The following ZNF98 variants were observed in gnomAD, a reference collection of about 807,000 sequenced individuals.
ZNF98 encodes the protein zinc finger protein 739.
Under a neutral mutation model 12.8 loss-of-function variants are expected in ZNF98, and 8 were observed. That is an observed-to-expected ratio of 0.63 (90% CI 0.37 to 1.13). The LOEUF (loss-of-function observed/expected upper bound fraction) is 1.13, where lower values mean the gene tolerates loss of function less well. ZNF98 is among the 50% of genes most tolerant of loss of function. ZNF98 has a pLI of 0.01. For synonymous variants in ZNF98, 112 were observed against 223.5 expected (o/e 0.50, Z 4.45); for missense variants, 379 against 666.1 (o/e 0.57, Z 4.74).
At chr19:22,402,991 A>G in intron 2 of ZNF98, 107 bp from the exon 3 acceptor site, 1 of 1,102,292 alleles carries the variant, frequency 9.1e-7, no homozygotes, top group Non-Finnish European at 1.2e-6. Context: ...AATTGATTCC[A>G]AAATACTAAT....
At chr19:22,410,351 A>G (rs1310714164) in intron 1 of ZNF98, among the ~76,000 whole-genome samples, 3 of 152,224 alleles carry the variant, frequency 2.0e-5, no homozygotes, top group African/African-American at 7.2e-5. Context: ...GAACCAACCC[A>G]AATGCCCATC....
intron 1 of ZNF98, among the ~76,000 whole-genome samples, chr19:22,414,092 G>A (rs552122451): frequency 7.9e-5 from 12 of 150,970 alleles, no homozygotes; most frequent in South Asian, 2.1e-4. Flanking sequence ...AAAATTAGCC[G>A]GGCGTGGTGG....
At chr19:22,407,290 C>T (rs1213940880) in intron 1 of ZNF98, among the ~76,000 whole-genome samples, 3 of 151,904 alleles carry the variant, frequency 2.0e-5, no homozygotes, top group Admixed American at 2.0e-4. Flanking sequence ...CTCTTGACCT[C>T]AGATGATCCC....
chr19:22,421,575 C>A (rs1245814779), intron 1 of ZNF98, among the ~76,000 whole-genome samples: 1 of 152,164 alleles, frequency 6.6e-6, no homozygotes, highest in South Asian at 2.1e-4. Context: ...GTTCTGATTA[C>A]ACAACCAGGA....
intron 1 of ZNF98, among the ~76,000 whole-genome samples, chr19:22,418,025 G>A (rs8110636): frequency 0.47 from 71,777 of 151,840 alleles, 17,390 homozygotes; most frequent in African/African-American, 0.56. Context: ...GGCCTCTGTG[G>A]TATCTTTTTT....
chr19:22,418,264 C>G (rs1268417718), intron 1 of ZNF98, among the ~76,000 whole-genome samples: 1 of 152,058 alleles, frequency 6.6e-6, no homozygotes, highest in Non-Finnish European at 1.5e-5. Flanking sequence ...TAACCTCCCT[C>G]AAGTTTCATA....
intron 1 of ZNF98, among the ~76,000 whole-genome samples, chr19:22,406,141 G>A (rs1034074322): frequency 1.3e-5 from 2 of 152,080 alleles, no homozygotes; most frequent in Non-Finnish European, 2.9e-5. Flanking sequence ...TCATTAAATG[G>A]GTTCTGTTCC....
In ZNF98 at chr19:22,391,945, T is replaced by C. The variant is rs374497741; in HGVS notation, c.1290A>G (p.Gly430=). Residue 430 remains glycine, a synonymous_variant, in exon 4 of 4, where the codon GGA becomes GGG. Coordinates refer to ENST00000357774, the MANE Select transcript of ZNF98 (RefSeq NM_001098626.2). ...HLTTHKRIHT[G]EKPYKCEECG... is the part of the protein sequence containing the mutation. ...ATTCTTCACATTTGTAGGGCTTCTC[T>C]CCAGTATGAATTCTCTTATGTGTAG... is the stretch of plus-strand genomic sequence containing the variant. 1.4e-5 allele frequency: 22 copies of C among 1,548,484 alleles called. No homozygotes were observed. Among genetic ancestry groups the C allele is most frequent in the Non-Finnish European group, 1.7e-5 (20 of 1,144,596 alleles).
chr19:22,415,297 C>T (rs529069046), intron 1 of ZNF98, among the ~76,000 whole-genome samples: 2 of 152,222 alleles, frequency 1.3e-5, no homozygotes, highest in African/African-American at 2.4e-5. Flanking sequence ...AGCAGTGTGA[C>T]GATTCCTCAC....
intron 1 of ZNF98, among the ~76,000 whole-genome samples, chr19:22,405,269 T>TAAAAAAAAAAAAAAAAA (rs71180544): frequency 8.1e-6 from 1 of 123,596 alleles, no homozygotes; most frequent in Non-Finnish European, 1.6e-5. Flanking sequence ...CATGCTTAGC[T>TAAAAAAAAAAAAAAAAA]AAAAAAAAAA....
At chr19:22,404,535 ATC>A (rs1969498524) in intron 1 of ZNF98, among the ~76,000 whole-genome samples, 1 of 152,162 alleles carries the variant, frequency 6.6e-6, no homozygotes, top group African/African-American at 2.4e-5. Flanking sequence ...AGAAAAAAAA[ATC>A]TGTCAGAGTT....
intron 1 of ZNF98, among the ~76,000 whole-genome samples, chr19:22,409,726 A>G (rs146165613): frequency 0.019 from 2,925 of 152,078 alleles, 96 homozygotes; most frequent in African/African-American, 0.067. Flanking sequence ...AGCCTGGCCA[A>G]TATGGTGAGA....
intron 1 of ZNF98, among the ~76,000 whole-genome samples, chr19:22,403,822 G>A (rs1244759725): frequency 1.3e-5 from 2 of 152,268 alleles, no homozygotes; most frequent in Non-Finnish European, 1.5e-5. Flanking sequence ...TACAGAATAA[G>A]TTGTGTAAAT....
chr19:22,420,068 C>CA (rs1390674724), intron 1 of ZNF98, among the ~76,000 whole-genome samples: 3 of 152,168 alleles, frequency 2.0e-5, no homozygotes, highest in Non-Finnish European at 2.9e-5. Context: ...GAGGCTGAGG[C>CA]AAGAGAATCA....
At chr19:22,410,427 G>C (rs1969568425) in intron 1 of ZNF98, among the ~76,000 whole-genome samples, 1 of 152,170 alleles carries the variant, frequency 6.6e-6, no homozygotes, top group Admixed American at 6.5e-5. Context: ...GCCATACAAA[G>C]AAATGAGATC....
In ZNF98 at chr19:22,392,828, T is replaced by G. The variant is rs756369684; in HGVS notation, c.407A>C (p.Lys136Thr). Residue 136 changes from lysine (K) to threonine (T), a missense_variant, in exon 4 of 4, where the codon AAA becomes ACA. By Grantham distance (78) the Lys-to-Thr change is moderately conservative. Coordinates refer to ENST00000357774, the MANE Select transcript of ZNF98 (RefSeq NM_001098626.2). ...CKSMDECKVH[K>T]ECYNGLNQCL... ...CTGGTTAAGTCCATTGTAACATTCT[T>G]TGTGCACCTTACACTCATCCATGCT... is the stretch of plus-strand genomic sequence containing the variant. 3.7e-6 allele frequency: 6 copies of G among 1,612,498 alleles called. No homozygotes were observed. The South Asian group carries it at 6.6e-5, about 18-fold the overall frequency.
intron 1 of ZNF98, among the ~76,000 whole-genome samples, chr19:22,414,824 A>G (rs997286886): frequency 2.6e-5 from 4 of 152,166 alleles, no homozygotes; most frequent in African/African-American, 9.6e-5. Context: ...AAGCCGGCAA[A>G]AATTTTAAAA....
rs186894083 is a variant in ZNF98, at chr19:22,412,409, A to G, written c.31-8897T>C. Among the ~76,000 whole-genome samples the G allele has an allele frequency of 6.8e-4, 103 of 152,300 alleles. 1 individual carries two copies. Among genetic ancestry groups the G allele is most frequent in the African/African-American group, 2.4e-3 (98 of 41,566 alleles). On this transcript the variant is annotated intron_variant, in intron 1 of 3. Coordinates refer to ENST00000357774, the MANE Select transcript of ZNF98 (RefSeq NM_001098626.2). ...AGATACAACATACCTGAATTTTTGC[A>G]ACACAGCTAAGGCAGTGTTAGGAGA...
intron 3 of ZNF98, among the ~76,000 whole-genome samples, chr19:22,397,190 CTG>C (rs145928271): frequency 2.1e-5 from 3 of 140,926 alleles, no homozygotes; most frequent in Non-Finnish European, 4.6e-5. Flanking sequence ...GTATGTACAT[CTG>C]TGTGTGTGTG....
Sources: gnomAD v4.1 joint callset for allele counts (sites outside exome capture counted in the v4.1 genomes callset) on GRCh38, gnomAD v4.1.1 for gene constraint, MANE v1.5 for transcripts, NCBI Gene and HGNC (gene_info 2026-07-23, HGNC 2026-07-21) for gene names.